DIAPH2: variants seen among roughly 807,000 people sequenced by gnomAD.
DIAPH2 encodes protein diaphanous homolog 2.
In DIAPH2, 35 loss-of-function variants were observed where a neutral mutation model predicts 92.7. The ratio of observed to expected loss-of-function variants is 0.38; its 90% confidence interval spans 0.29 to 0.50. The LOEUF is 0.50. Among genes scored for constraint, DIAPH2 ranks in the 20% least tolerant of loss-of-function variants. The pLI, the probability that DIAPH2 is intolerant of heterozygous loss-of-function variation, is 0.94. For missense variants in DIAPH2, 701 were observed against 819.5 expected, an observed-to-expected ratio of 0.86 and a Z score of 1.77; for synonymous variants, 301 against 280.4, an observed-to-expected ratio of 1.07 and a Z score of -0.73.
intron 26 of DIAPH2, among the ~76,000 whole-genome samples, chrX:97,557,570 T>A: frequency 8.9e-6 from 1 of 112,048 alleles, no homozygotes; most frequent in Non-Finnish European, 1.9e-5. Flanking sequence ...CTGCCAAGAC[T>A]CTTGGGGATG....
At chrX:97,186,114 A>G (rs73632881) in intron 22 of DIAPH2, among the ~76,000 whole-genome samples, 11,853 of 111,508 alleles carry the variant, frequency 0.11, 1,402 homozygotes, top group African/African-American at 0.35. Flanking sequence ...TATCCCTGAT[A>G]AATTTAATTT....
chrX:97,068,007 C>T (rs748006982), intron 17 of DIAPH2, among the ~76,000 whole-genome samples: 3 of 111,623 alleles, frequency 2.7e-5, no homozygotes, highest in East Asian at 2.8e-4. Context: ...TTGATGCATG[C>T]GTTTTTTAAG....
intron 4 of DIAPH2, among the ~76,000 whole-genome samples, chrX:96,797,990 A>C (rs763067076): frequency 8.9e-6 from 1 of 112,779 alleles, no homozygotes. Flanking sequence ...CAAATTCTGC[A>C]GATACTCAAG....
chrX:96,702,937 TA>T (rs1446886058), intron 1 of DIAPH2, among the ~76,000 whole-genome samples: 2 of 111,414 alleles, frequency 1.8e-5, no homozygotes, highest in African/African-American at 6.5e-5. Context: ...TAATCCTTAT[TA>T]CCTCCCAGAG....
At chrX:97,556,841 C>T (rs906569945) in intron 26 of DIAPH2, among the ~76,000 whole-genome samples, 26 of 111,636 alleles carry the variant, frequency 2.3e-4, no homozygotes, top group Admixed American at 1.8e-3. Flanking sequence ...AACTCAAAAA[C>T]GTCATTTAAA....
intron 5 of DIAPH2, among the ~76,000 whole-genome samples, chrX:96,892,154 A>G (rs2065311650): frequency 8.9e-6 from 1 of 111,827 alleles, no homozygotes; most frequent in Admixed American, 9.6e-5. Flanking sequence ...AGCGGCCAAC[A>G]GTACTTAGAA....
intron 13 of DIAPH2, 71 bp from the exon 14 acceptor site, chrX:96,945,456 A>T (rs2065732502): frequency 2.7e-6 from 2 of 742,855 alleles, no homozygotes; most frequent in South Asian, 5.2e-5. Context: ...GCAGAGTTAT[A>T]GGCTAGAAGA....
chrX:97,577,616 G>A (rs1035250181), intron 26 of DIAPH2, among the ~76,000 whole-genome samples: 2 of 111,798 alleles, frequency 1.8e-5, no homozygotes, highest in Non-Finnish European at 3.8e-5. Flanking sequence ...AGAAGGCAAA[G>A]TGGGTACATA....
intron 3 of DIAPH2, among the ~76,000 whole-genome samples, chrX:96,755,927 G>A (rs1238544214): frequency 9.3e-6 from 1 of 107,894 alleles, no homozygotes; most frequent in Admixed American, 9.9e-5. Context: ...GCAGTGACAG[G>A]AACACAGCTC....
At chrX:96,747,329 A>G (rs2064156795) in intron 3 of DIAPH2, among the ~76,000 whole-genome samples, 1 of 112,232 alleles carries the variant, frequency 8.9e-6, no homozygotes, top group African/African-American at 3.2e-5. Flanking sequence ...GTGTTCTGAT[A>G]TAGGTAATTA....
intron 17 of DIAPH2, among the ~76,000 whole-genome samples, chrX:97,057,762 A>G (rs181722298): frequency 6.0e-4 from 67 of 112,023 alleles, no homozygotes; most frequent in Non-Finnish European, 1.1e-3. Context: ...CTTCGGTGGC[A>G]TTTCCCCTTG....
chrX:97,166,053 T>C (rs745332274), intron 22 of DIAPH2, among the ~76,000 whole-genome samples: 43 of 111,279 alleles, frequency 3.9e-4, no homozygotes, highest in Non-Finnish European at 7.0e-4. Flanking sequence ...ACCAAATGGA[T>C]GTTAGCATTG....
chrX:97,058,855 C>T (rs2066576560), intron 17 of DIAPH2, among the ~76,000 whole-genome samples: 1 of 111,873 alleles, frequency 8.9e-6, no homozygotes, highest in African/African-American at 3.2e-5. Flanking sequence ...TGAATGTTCT[C>T]TTCCCTACAA....
chrX:97,579,053 T>A (rs1244490006), intron 26 of DIAPH2, among the ~76,000 whole-genome samples: 5 of 105,153 alleles, frequency 4.8e-5, no homozygotes, highest in Non-Finnish European at 9.8e-5. Context: ...TTGAGTTCAT[T>A]GTAGATTCTG....
chrX:97,012,966 T>C lies in DIAPH2; in HGVS notation c.2050+47759T>C, dbSNP rs755826609. Reference sequence around the variant, plus strand: ...CACACCACTTTTTATATTCTTTTCCTTTGCATATCCCACCTCTCAAACTAA... The same window carrying C: ...CACACCACTTTTTATATTCTTTTCCCTTGCATATCCCACCTCTCAAACTAA... On this transcript the variant is annotated intron_variant, in intron 17 of 26. Coordinates refer to ENST00000324765, the MANE Select transcript of DIAPH2 (RefSeq NM_006729.5). Among the ~76,000 whole-genome samples the C allele has an allele frequency of 4.5e-5, 5 of 112,127 alleles. No individual in the cohort carries two copies. The Admixed American group carries it at 4.7e-4, about 11-fold the overall frequency.
At chrX:97,015,832 T>C (rs1282805303) in intron 17 of DIAPH2, among the ~76,000 whole-genome samples, 2 of 105,462 alleles carry the variant, frequency 1.9e-5, no homozygotes, top group African/African-American at 7.0e-5. Flanking sequence ...TTACAGCAGA[T>C]GATCTGTGTA....
At chrX:96,876,732 G>C (rs1206305251) in intron 4 of DIAPH2, among the ~76,000 whole-genome samples, 5 of 106,529 alleles carry the variant, frequency 4.7e-5, no homozygotes, top group Non-Finnish European at 9.7e-5. Context: ...GACACAGGAA[G>C]GGCAACATCA....
intron 20 of DIAPH2, among the ~76,000 whole-genome samples, chrX:97,102,783 T>C (rs2066914655): frequency 1.8e-5 from 2 of 110,958 alleles, no homozygotes; most frequent in South Asian, 7.6e-4. Flanking sequence ...CTACTAAAAA[T>C]ACAAAAATTA....
At chrX:96,845,207 AGCTG>A (rs1196366068) in intron 4 of DIAPH2, among the ~76,000 whole-genome samples, 1 of 112,089 alleles carries the variant, frequency 8.9e-6, no homozygotes, top group Non-Finnish European at 1.9e-5. Flanking sequence ...TTGAAATGAT[AGCTG>A]TCTGACATCA....
Sources: gnomAD v4.1 joint callset for allele counts (sites outside exome capture counted in the v4.1 genomes callset) on GRCh38, gnomAD v4.1.1 for gene constraint, MANE v1.5 for transcripts, NCBI Gene and HGNC (gene_info 2026-07-23, HGNC 2026-07-21) for gene names.